The following MCC variants were observed in gnomAD, a reference collection of about 807,000 sequenced individuals.
MCC encodes the protein MCC regulator of Wnt signaling pathway.
A neutral mutation model predicts 116.2 loss-of-function variants in MCC; 90 were observed. The ratio of observed to expected loss-of-function variants is 0.77; its 90% CI spans 0.65 to 0.92. The LOEUF (loss-of-function observed/expected upper bound fraction) is 0.92, where lower values mean the gene tolerates loss of function less well. Ranked by LOEUF, MCC falls within the 40% of genes least tolerant of loss-of-function variation. The probability of loss-of-function intolerance (pLI) is 0.00; values close to 1 mark genes in which losing one functional copy is unlikely to be tolerated. For synonymous variants in MCC, 578 were observed against 510.5 expected (o/e 1.13, Z -1.78); for missense variants, 1,516 against 1,312.2 (o/e 1.16, Z -2.40).
At chr5:113,055,224 C>T (rs1025239311) in intron 14 of MCC, among the ~76,000 whole-genome samples, 4 of 152,196 alleles carry the variant, frequency 2.6e-5, no homozygotes, top group Non-Finnish European at 5.9e-5. Flanking sequence ...TCCCACAGCC[C>T]TGTCCTTGTC....
intron 3 of MCC, among the ~76,000 whole-genome samples, chr5:113,210,319 T>C (rs577111785): frequency 1.3e-5 from 2 of 152,342 alleles, no homozygotes; most frequent in Admixed American, 1.3e-4. Flanking sequence ...ATTTATTCTG[T>C]GTTAATACAA....
At chr5:113,162,109 TAGAA>T (rs146459679) in intron 3 of MCC, among the ~76,000 whole-genome samples, 9,287 of 152,216 alleles carry the variant, frequency 0.061, 501 homozygotes, top group African/African-American at 0.15. Context: ...TGTGTTTAGA[TAGAA>T]AGAAGGAATG....
chr5:113,241,885 C>T (rs948336836), intron 3 of MCC, among the ~76,000 whole-genome samples: 1 of 149,128 alleles, frequency 6.7e-6, no homozygotes, highest in African/African-American at 2.6e-5. Flanking sequence ...CCAAAGCCCA[C>T]CTGTTGGCTA....
chr5:113,049,039 AGTCACTGGGC>A, intron 16 of MCC, 44 bp downstream of exon 16: 2 of 892,298 alleles, frequency 2.2e-6, no homozygotes. Flanking sequence ...GTCACTGGGC[AGTCACTGGGC>A]AGTCACTGAG....
At chr5:113,386,822 T>C (rs1769270936) in intron 1 of MCC, among the ~76,000 whole-genome samples, 1 of 87,588 alleles carries the variant, frequency 1.1e-5, no homozygotes, top group South Asian at 2.9e-4. Context: ...CATACACATA[T>C]ATTTGTAAAG....
At chr5:113,315,981 G>A (rs925537561) in intron 3 of MCC, among the ~76,000 whole-genome samples, 5 of 152,044 alleles carry the variant, frequency 3.3e-5, no homozygotes, top group Non-Finnish European at 5.9e-5. Flanking sequence ...CACGTTGGCC[G>A]GGCATGGTGG....
At chr5:113,353,982 C>T (rs531717853) in intron 2 of MCC, among the ~76,000 whole-genome samples, 4 of 152,196 alleles carry the variant, frequency 2.6e-5, no homozygotes, top group Non-Finnish European at 4.4e-5. Flanking sequence ...GAGTCAATAT[C>T]AGCAATTTGC....
intron 1 of MCC, among the ~76,000 whole-genome samples, chr5:113,398,908 T>C (rs1036255864): frequency 6.6e-6 from 1 of 152,230 alleles, no homozygotes; most frequent in Non-Finnish European, 1.5e-5. Context: ...TTAGTATTTG[T>C]AGTCTTGAAC....
intron 6 of MCC, among the ~76,000 whole-genome samples, chr5:113,110,386 C>A (rs1757016511): frequency 6.6e-6 from 1 of 152,198 alleles, no homozygotes; most frequent in South Asian, 2.1e-4. Context: ...TGAATTATCT[C>A]CTGACAGAAA....
chr5:113,078,123 A>G (rs1217326541), intron 11 of MCC, among the ~76,000 whole-genome samples: 2 of 152,234 alleles, frequency 1.3e-5, no homozygotes, highest in Non-Finnish European at 2.9e-5. Context: ...TGAATCCCTG[A>G]ATAGGCCAAT....
chr5:113,276,798 T>C (rs1404518467), intron 3 of MCC, among the ~76,000 whole-genome samples: 1 of 145,222 alleles, frequency 6.9e-6, no homozygotes, highest in Non-Finnish European at 1.5e-5. Context: ...AACTAATTTT[T>C]CTTCTTATTT....
chr5:113,246,400 C>T (rs1332939248), intron 3 of MCC, among the ~76,000 whole-genome samples: 1 of 152,196 alleles, frequency 6.6e-6, no homozygotes, highest in Non-Finnish European at 1.5e-5. Flanking sequence ...GGGGAAAAGC[C>T]TACCCCACAG....
chr5:113,443,476 A>T (rs1160130577), intron 1 of MCC, among the ~76,000 whole-genome samples: 3 of 152,084 alleles, frequency 2.0e-5, no homozygotes, highest in African/African-American at 7.2e-5. Context: ...TTCCTATTTG[A>T]ATACCTTTTT....
chr5:113,100,464 C>CTTTTTTTTTTTTTTTTTTTTTTT (rs10649958), intron 8 of MCC, among the ~76,000 whole-genome samples: 2 of 78,810 alleles, frequency 2.5e-5, no homozygotes, highest in Non-Finnish European at 4.6e-5. Context: ...GTATTTTTCC[C>CTTTTTTTTTTTTTTTTTTTTTTT]TTTTTTTTTT....
rs1299625860 is a variant in MCC at position 113,049,246 on chromosome 5, C to T, written c.2502G>A (p.Lys834=). ...AQLYLLEKEK[K]ALELKLSTRE... ...GCGTGCTCAGCTTCAGCTCCAGGGC[C>T]TTCTTCTCTTTCTCCAGTAGGTAGA... is the stretch of plus-strand genomic sequence containing the variant. Residue 834 remains lysine (K), a synonymous_variant, in exon 16 of 19, where the codon AAG becomes AAA. Coordinates refer to ENST00000408903, the MANE Select transcript of MCC (RefSeq NM_001085377.2). The T allele has an allele frequency of 1.2e-6, 2 of 1,612,950 alleles. No homozygotes were observed. The highest frequency in any genetic ancestry group is 8.5e-7 in the Non-Finnish European group (1 of 1,179,498).
intron 5 of MCC, among the ~76,000 whole-genome samples, chr5:113,138,918 G>T (rs2150283185): frequency 6.6e-6 from 1 of 152,188 alleles, no homozygotes; most frequent in African/African-American, 2.4e-5. Flanking sequence ...TCTATAACTG[G>T]CCTGTTATCC....
intron 14 of MCC, among the ~76,000 whole-genome samples, chr5:113,061,262 A>T (rs78116211): frequency 0.049 from 7,388 of 152,170 alleles, 489 homozygotes; most frequent in African/African-American, 0.15. Context: ...AAGGGACTCA[A>T]TTTCAGTCTC....
intron 1 of MCC, among the ~76,000 whole-genome samples, chr5:113,484,765 T>C (rs919595312): frequency 6.6e-6 from 1 of 152,216 alleles, no homozygotes; most frequent in East Asian, 1.9e-4. Flanking sequence ...GTTTCTTATA[T>C]TGAACGGTAA....
At position 113,184,487 on chromosome 5, in the gene MCC, T is replaced by G. The variant is rs983791851; in HGVS notation, c.628-33065A>C. Among the ~76,000 whole-genome samples the G allele has an allele frequency of 2.5e-4, 37 of 148,934 alleles. No individual in the cohort carries two copies. The East Asian group carries it at 4.1e-3, about 16-fold the overall frequency. On this transcript the variant is annotated intron_variant, in intron 3 of 18. Coordinates refer to ENST00000408903, the MANE Select transcript of MCC (RefSeq NM_001085377.2). ...TTCTTTCTTCGTTTTTTGTTTTTTT[T>G]TTTTTTTTTTGGAGACAGAGTCTTG... is the stretch of plus-strand genomic sequence containing the variant.
Sources: allele counts gnomAD v4.1 joint callset (sites outside exome capture counted in the v4.1 genomes callset), GRCh38; gene constraint gnomAD v4.1.1; transcripts MANE v1.5; gene names NCBI Gene and HGNC (gene_info 2026-07-23, HGNC 2026-07-21).